MMP1: variants seen among roughly 807,000 people sequenced by gnomAD.
MMP1 encodes matrix metallopeptidase 1.
Under a neutral mutation model 49.6 loss-of-function variants are expected in MMP1, and 51 were observed. That is an observed-to-expected ratio of 1.03 (90% confidence interval 0.82 to 1.30). The LOEUF is 1.30. MMP1 is among the 50% of genes most tolerant of loss of function. The pLI, the probability that MMP1 is intolerant of heterozygous loss-of-function variation, is 0.00. For missense variants in MMP1, 623 were observed against 568.7 expected, an observed-to-expected ratio of 1.10 and a Z score of -0.97; for synonymous variants, 230 against 196.8, an observed-to-expected ratio of 1.17 and a Z score of -1.41.
rs1858213474 is a variant in MMP1, at chr11:102,797,050, C to T, written c.463G>A (p.Gly155Ser). ...TPLTFTKVSEGQADIMISFVR... is the reference protein window; with the variant it reads ...TPLTFTKVSESQADIMISFVR... ...AAAGATATCATGATGTCTGCTTGAC[C>T]CTCAGAGACCTTGGTGAATGTCAGA... Residue 155 changes from glycine to serine, a missense_variant, in exon 3 of 10, where the codon GGT becomes AGT. Transcript: ENST00000315274. 4 of 1,613,980 alleles carry T rather than the reference C, an allele frequency of 2.5e-6. No homozygotes were observed. Among genetic ancestry groups the T allele is most frequent in the Non-Finnish European group, 1.7e-6 (2 of 1,179,978 alleles).
rs376000351 is a variant in MMP1, at chr11:102,791,454, C to G, written c.1075G>C (p.Gly359Arg). The change falls in exon 8 of 10, where the codon GGA (glycine) becomes CGA (arginine). Residue 359 changes from glycine to arginine, a missense_variant. Gly to Arg is a moderately radical substitution (Grantham distance 125). Coordinates refer to ENST00000315274, the MANE Select transcript of MMP1 (RefSeq NM_002421.4). ...GAGCTGTAGATGTCCTTGGGGTATC[C>G]GTGTAGCACATTCTGTCCCTGAACA... ...WAVQGQNVLH[G>R]YPKDIYSSFG... is the part of the protein sequence containing the mutation. The G allele has an allele frequency of 6.2e-7, 1 of 1,613,992 alleles. No homozygotes were observed.
rs779709370 is a variant in MMP1 at position 102,790,809 on chromosome 11, G to C, written c.1197-3C>G. ...TAGATCGTTTATATTCATCATACCT[G>C]GTCAGAAAAGAGTTAAGAGTGTCAG... is the stretch of plus-strand genomic sequence containing the variant. On this transcript the variant is annotated splice_region_variant and splice_polypyrimidine_tract_variant and intron_variant, in intron 8 of 9. Transcript: ENST00000315274. The C allele has an allele frequency of 1.3e-6, 2 of 1,557,138 alleles. No individual in the cohort carries two copies. Among genetic ancestry groups the C allele is most frequent in the East Asian group, 4.5e-5 (2 of 44,590 alleles).
rs1367326754 is a variant in MMP1, at chr11:102,795,271, G to A, written c.802C>T (p.Gln268Ter). The change falls in exon 6 of 10, where the codon CAG becomes TAG. Residue 268 changes from glutamine to a stop codon, truncating the protein, a stop_gained. Coordinates refer to ENST00000315274, the MANE Select transcript of MMP1 (RefSeq NM_002421.4). LOFTEE classifies it high-confidence loss of function. ...AIYGRSQNPV[Q>*]PIGPQTPKAC... is the part of the protein sequence containing the mutation. ...TTTGGGGTTTGTGGGCCGATGGGCTGGACAGGATTTTGGGAACGTCCTAAG... is the reference window on the plus strand; with the variant it reads ...TTTGGGGTTTGTGGGCCGATGGGCTAGACAGGATTTTGGGAACGTCCTAAG... 6.2e-7 allele frequency: 1 copy of A among 1,614,024 alleles called. No homozygotes were observed. Among genetic ancestry groups the A allele is most frequent in the East Asian group, 2.2e-5 (1 of 44,874 alleles).
chr11:102,797,886 AT>A, intron 1 of MMP1, 101 bp downstream of exon 1: 2 of 811,702 alleles, frequency 2.5e-6, no homozygotes, highest in South Asian at 2.0e-5. Flanking sequence ...AAAAAAAAAA[AT>A]CTCTTTATAA....
chr11:102,795,696 A>G (rs1229361274), intron 4 of MMP1, 89 bp from the exon 5 acceptor site: 9 of 1,082,354 alleles, frequency 8.3e-6, no homozygotes, highest in Non-Finnish European at 7.7e-6. Context: ...AACTACAAGG[A>G]CTCATGTTAC....
rs1364420389 is a variant in MMP1, at chr11:102,790,795, T to C, written c.1208A>G (p.Tyr403Cys). ...VANKYWRYDE[Y>C]KRSMDPGYPK... Reference sequence around the variant, plus strand: ...ATAACCTGGATCCATAGATCGTTTATATTCATCATACCTGGTCAGAAAAGA... The same window carrying C: ...ATAACCTGGATCCATAGATCGTTTACATTCATCATACCTGGTCAGAAAAGA... The change falls in exon 9 of 10, where the codon TAT becomes TGT. Residue 403 changes from tyrosine (Y) to cysteine (C), a missense_variant. Tyr to Cys is a radical substitution (Grantham distance 194). Transcript: ENST00000315274. The C allele has an allele frequency of 3.1e-6, 5 of 1,602,754 alleles. No homozygotes were observed. The highest frequency in any genetic ancestry group is 4.3e-6 in the Non-Finnish European group (5 of 1,169,804).
chr11:102,795,372 A>G (rs1257241479), intron 5 of MMP1, 80 bp downstream of exon 5: 3 of 1,602,394 alleles, frequency 1.9e-6, no homozygotes, highest in Non-Finnish European at 1.7e-6. Context: ...TTCTTCAAGG[A>G]TATCGCTAAT....
chr11:102,796,905 C>A, intron 3 of MMP1, 109 bp downstream of exon 3: 1 of 1,530,580 alleles, frequency 6.5e-7, no homozygotes, highest in Non-Finnish European at 8.8e-7. Flanking sequence ...GATGCAGTTT[C>A]CCTCTTCGAG....
At chr11:102,797,857 G>A (rs1858245569) in intron 1 of MMP1, 131 bp downstream of exon 1, 1 of 652,522 alleles carries the variant, frequency 1.5e-6, no homozygotes. Context: ...TTTGGGTGGA[G>A]GGTGCTGTTT....
In MMP1 at chr11:102,791,455, G is replaced by A. The variant is rs1234326470; in HGVS notation, c.1074C>T (p.His358=). The A allele has an allele frequency of 3.7e-6, 6 of 1,613,990 alleles. No individual in the cohort carries two copies. Among genetic ancestry groups the A allele is most frequent in the South Asian group, 2.2e-5 (2 of 91,060 alleles). The part of the protein sequence containing the change: ...YWAVQGQNVL[H]GYPKDIYSSF... ...AGCTGTAGATGTCCTTGGGGTATCC[G>A]TGTAGCACATTCTGTCCCTGAACAG... The change falls in exon 8 of 10, where the codon CAC becomes CAT. Residue 358 remains histidine (H), a synonymous_variant. Transcript: ENST00000315274.
At chr11:102,791,243 G>T (rs1858020972) in intron 8 of MMP1, 90 bp downstream of exon 8, 3 of 1,401,802 alleles carry the variant, frequency 2.1e-6, no homozygotes, top group African/African-American at 1.4e-5. Context: ...GCCGGCCAAG[G>T]CAGTTTGAGA....
At chr11:102,790,935 G>C (rs1382198741) in intron 8 of MMP1, 129 bp from the exon 9 acceptor site, 6 of 643,926 alleles carry the variant, frequency 9.3e-6, no homozygotes, top group African/African-American at 9.1e-5. Flanking sequence ...GTGAAATGGG[G>C]AGTGGATGGG....
In MMP1 at chr11:102,797,111, A is replaced by T. The variant is rs1858215337; in HGVS notation, c.402T>A (p.Ile134=). ...DLPRADVDHA[I]EKAFQLWSNV... is the part of the protein sequence containing the mutation. ...TACTCCAGAGTTGGAAGGCTTTCTC[A>T]ATGGCATGGTCCACATCTGCTCTTG... The change falls in exon 3 of 10, where the codon ATT becomes ATA. Residue 134 remains isoleucine (I), a synonymous_variant. Transcript: ENST00000315274. 6.2e-7 allele frequency: 1 copy of T among 1,614,166 alleles called. No individual in the cohort carries two copies. Among genetic ancestry groups the T allele is most frequent in the East Asian group, 2.2e-5 (1 of 44,880 alleles).
chr11:102,790,614 G>T, intron 9 of MMP1, 89 bp downstream of exon 9: 1 of 1,325,272 alleles, frequency 7.5e-7, no homozygotes, highest in Non-Finnish European at 1.1e-6. Context: ...TGTGAGCACA[G>T]ATATTTTTGG....
chr11:102,796,084 G>A (rs1858180264), intron 4 of MMP1, among the ~76,000 whole-genome samples: 1 of 152,160 alleles, frequency 6.6e-6, no homozygotes, highest in African/African-American at 2.4e-5. Context: ...CTGAGTAGCT[G>A]AGATTACAGA....
Position 102,794,523 on chromosome 11 carries a change from G to A in MMP1, c.899+651C>T, listed in dbSNP as rs1173175263. Among the ~76,000 whole-genome samples the A allele has an allele frequency of 1.3e-5, 2 of 152,158 alleles. No homozygotes were observed. The highest frequency in any genetic ancestry group is 2.9e-5 in the Non-Finnish European group (2 of 68,016). On this transcript the variant is annotated intron_variant, in intron 6 of 9. Coordinates refer to ENST00000315274, the MANE Select transcript of MMP1 (RefSeq NM_002421.4). This position sits in a 1 kb window ranked among gnomAD's most constrained non-coding sequence, Gnocchi z 4.3. ...AGAGGGAGTTCTAGGATTCTTCTTT[G>A]AAGAGGGAAGCACCATGTTGTGGCT...
At chr11:102,790,945 G>T in intron 8 of MMP1, 139 bp from the exon 9 acceptor site, 1 of 632,526 alleles carries the variant, frequency 1.6e-6, no homozygotes, top group Non-Finnish European at 2.8e-6. Flanking sequence ...GAGTGGATGG[G>T]ATAAGGTGGA....
In MMP1 at chr11:102,795,498, A is replaced by C; in HGVS notation, c.735T>G (p.Asp245Glu). 6.2e-7 allele frequency: 1 copy of C among 1,614,116 alleles called. No homozygotes were observed. The highest frequency in any genetic ancestry group is 1.1e-5 in the South Asian group (1 of 91,078). The change falls in exon 5 of 10, where the codon GAT becomes GAG. Residue 245 changes from aspartate to glutamate, a missense_variant. Asp to Glu is a conservative substitution (Grantham distance 45). Transcript: ENST00000315274. ...LMYPSYTFSGDVQLAQDDIDG... is the reference protein window; with the variant it reads ...LMYPSYTFSGEVQLAQDDIDG... ...CAATGTCATCCTGAGCTAGCTGAAC[A>C]TCACCACTGAAGGTGTAGCTAGGGT...
Position 102,797,478 on chromosome 11 carries a change from T to A in MMP1, c.128A>T (p.Asn43Ile). 1 of 1,614,132 alleles carries A rather than the reference T, an allele frequency of 6.2e-7. No homozygotes were observed. Among genetic ancestry groups the A allele is most frequent in the South Asian group, 1.1e-5 (1 of 91,076 alleles). Residue 43 changes from asparagine to isoleucine, a missense_variant, in exon 2 of 10, where the codon AAC (asparagine) becomes ATC (isoleucine). Coordinates refer to ENST00000315274, the MANE Select transcript of MMP1 (RefSeq NM_002421.4). ...AACTTGCCTCCCATCATTCTTCAGG[T>A]TGTAGTATTTTTCCAGGTATTTCTG... The part of the protein sequence containing the change: ...LVQKYLEKYY[N>I]LKNDGRQVEK...
Sources: allele counts gnomAD v4.1 joint callset (sites outside exome capture counted in the v4.1 genomes callset), GRCh38; gene constraint gnomAD v4.1.1; non-coding constraint Gnocchi (gnomAD v3.1); transcripts MANE v1.5; gene names NCBI Gene and HGNC (gene_info 2026-07-23, HGNC 2026-07-21).